The following SQSTM1 variants were observed in gnomAD, a reference collection of about 807,000 sequenced individuals.
SQSTM1 encodes sequestosome-1.
Under a neutral mutation model 45.1 loss-of-function variants are expected in SQSTM1, and 36 were observed. That is an observed-to-expected ratio of 0.80 (90% CI 0.61 to 1.05). The LOEUF (loss-of-function observed/expected upper bound fraction) is 1.05, where lower values mean the gene tolerates loss of function less well. Ranked by LOEUF, SQSTM1 falls within the 50% of genes least tolerant of loss-of-function variation. The probability of loss-of-function intolerance (pLI) is 0.00; values close to 1 mark genes in which losing one functional copy is unlikely to be tolerated. For missense variants in SQSTM1, 617 were observed against 607.1 expected, an observed-to-expected ratio of 1.02 and a Z score of -0.17; for synonymous variants, 290 against 244.3, an observed-to-expected ratio of 1.19 and a Z score of -1.74.
At chr5:179,823,138 C>T in intron 2 of SQSTM1, 85 bp downstream of exon 2, 1 of 1,292,546 alleles carries the variant, frequency 7.7e-7, no homozygotes, top group Non-Finnish European at 1.1e-6. Context: ...CTCGATGTTC[C>T]ACCAATGAAG....
intron 5 of SQSTM1, among the ~76,000 whole-genome samples, chr5:179,831,436 C>G (rs1343191321): frequency 6.6e-6 from 1 of 152,136 alleles, no homozygotes; most frequent in African/African-American, 2.4e-5. Flanking sequence ...CCAAGGCAGG[C>G]AGATCACCTG....
chr5:179,836,267 G>C, intron 7 of SQSTM1, 169 bp from the exon 8 acceptor site: 1 of 843,054 alleles, frequency 1.2e-6, no homozygotes, highest in Non-Finnish European at 2.0e-6. Context: ...AGACTGCTTG[G>C]CCCTTTACAG....
chr5:179,824,441 T>G, intron 4 of SQSTM1, 118 bp downstream of exon 4: 1 of 1,448,744 alleles, frequency 6.9e-7, no homozygotes. Context: ...CCCACCTTCC[T>G]GGTGCCCTAC....
upstream of SQSTM1, among the ~76,000 whole-genome samples, chr5:179,814,341 G>C (rs959641982): frequency 4.6e-5 from 7 of 152,198 alleles, no homozygotes; most frequent in Admixed American, 2.0e-4. Context: ...TTTGGAGAAT[G>C]TACATCACTG....
chr5:179,826,247 C>T (rs1485892065), intron 5 of SQSTM1, among the ~76,000 whole-genome samples: 1 of 152,016 alleles, frequency 6.6e-6, no homozygotes, highest in East Asian at 1.9e-4. Context: ...TCACTGCAAC[C>T]TCCCCCTCCT....
At chr5:179,826,077 A>T (rs560095912) in intron 5 of SQSTM1, among the ~76,000 whole-genome samples, 1 of 151,976 alleles carries the variant, frequency 6.6e-6, no homozygotes, top group South Asian at 2.1e-4. Flanking sequence ...TGTCTGAAAG[A>T]ATGCTGCTAG....
chr5:179,817,599 C>G (rs1304569116), upstream of SQSTM1, among the ~76,000 whole-genome samples: 1 of 152,268 alleles, frequency 6.6e-6, no homozygotes, highest in South Asian at 2.1e-4. Flanking sequence ...CCATGTCTGT[C>G]CATGACTTGA....
At chr5:179,834,725 T>TG (rs1175990320) in intron 7 of SQSTM1, among the ~76,000 whole-genome samples, 4 of 152,188 alleles carry the variant, frequency 2.6e-5, no homozygotes, top group Non-Finnish European at 4.4e-5. Context: ...AGCACGGGGT[T>TG]GGGGGTAAGG....
At chr5:179,810,222 A>G (rs977261081) in intron 1 of SQSTM1, among the ~76,000 whole-genome samples, 1 of 151,958 alleles carries the variant, frequency 6.6e-6, no homozygotes, top group Non-Finnish European at 1.5e-5. Flanking sequence ...GCACCCATTA[A>G]CTCATCATTT....
Position 179,837,214 on chromosome 5 carries a change from T to C in SQSTM1, c.*621T>C, listed in dbSNP as rs11548628. On this transcript the variant is annotated 3_prime_UTR_variant, in exon 8 of 8. Coordinates refer to ENST00000389805, the MANE Select transcript of SQSTM1 (RefSeq NM_003900.5). ...TCTCTTTGTAGCCATCCTGTTAAATTTGTAAACAATCTAATTAAATGGCAT... is the reference window on the plus strand; with the variant it reads ...TCTCTTTGTAGCCATCCTGTTAAATCTGTAAACAATCTAATTAAATGGCAT... The C allele has an allele frequency of 6.3e-7, 1 of 1,580,226 alleles. No individual in the cohort carries two copies. Among genetic ancestry groups the C allele is most frequent in the Non-Finnish European group, 8.6e-7 (1 of 1,168,622 alleles).
upstream of SQSTM1, chr5:179,820,806 G>A (rs1757742558): frequency 7.9e-6 from 7 of 884,524 alleles, no homozygotes; most frequent in South Asian, 8.7e-5. Context: ...CCGCGACGAC[G>A]GTGGCGGGGG....
Position 179,825,231 on chromosome 5 carries a change from G to A in SQSTM1, c.754+5G>A. ...CAGCTGCCCTTAGCCCTCTGGGTGA[G>A]TGCACCTCCTTGCCCAGTGCTTCCC... On this transcript the variant is annotated splice_donor_5th_base_variant and intron_variant, in intron 5 of 7. Coordinates refer to ENST00000389805, the MANE Select transcript of SQSTM1 (RefSeq NM_003900.5). The A allele has an allele frequency of 1.9e-6, 3 of 1,613,008 alleles. No homozygotes were observed. Among genetic ancestry groups the A allele is most frequent in the Non-Finnish European group, 2.5e-6 (3 of 1,179,422 alleles).
chr5:179,826,199 C>T (rs1757981003), intron 5 of SQSTM1, among the ~76,000 whole-genome samples: 1 of 150,826 alleles, frequency 6.6e-6, no homozygotes, highest in Non-Finnish European at 1.5e-5. Context: ...GAGTCTTGCT[C>T]TGTCACGGAG....
chr5:179,825,148 T>G lies in SQSTM1; in HGVS notation c.676T>G (p.Ser226Ala). Residue 226 changes from serine (S) to alanine (A), a missense_variant and splice_region_variant, in exon 5 of 8, where the codon TCT becomes GCT. By Grantham distance (99) the Ser-to-Ala change is moderately conservative. Coordinates refer to ENST00000389805, the MANE Select transcript of SQSTM1 (RefSeq NM_003900.5). Reference sequence around the variant, plus strand: ...TCTTATCTTTGTAAAAATCAAAGCTTCTGGTCCATCGGAGGATCCGAGTGT... The same window carrying G: ...TCTTATCTTTGTAAAAATCAAAGCTGCTGGTCCATCGGAGGATCCGAGTGT... ...ARPGPTAESASGPSEDPSVNF... is the reference protein window; with the variant it reads ...ARPGPTAESAAGPSEDPSVNF... The G allele has an allele frequency of 6.2e-7, 1 of 1,614,010 alleles. No individual in the cohort carries two copies. Among genetic ancestry groups the G allele is most frequent in the Middle Eastern group, 1.7e-4 (1 of 6,060 alleles).
chr5:179,825,773 G>A (rs532624335), intron 5 of SQSTM1, among the ~76,000 whole-genome samples: 2 of 152,226 alleles, frequency 1.3e-5, no homozygotes, highest in South Asian at 2.1e-4. Flanking sequence ...TCTGTGGGGT[G>A]GGTGAAGGTG....
upstream of SQSTM1, among the ~76,000 whole-genome samples, chr5:179,817,851 A>G (rs1318662892): frequency 1.3e-5 from 2 of 151,994 alleles, no homozygotes; most frequent in Non-Finnish European, 2.9e-5. Flanking sequence ...TCTACTAAAA[A>G]TACAAAAATT....
intron 5 of SQSTM1, 99 bp downstream of exon 5, chr5:179,825,325 T>G: frequency 9.5e-7 from 1 of 1,055,862 alleles, no homozygotes; most frequent in Non-Finnish European, 1.5e-6. Flanking sequence ...TGACATGCCC[T>G]TGACACTGGT....
Position 179,838,050 on chromosome 5 carries a change from C to T in SQSTM1, c.*1457C>T, listed in dbSNP as rs1758691969. On this transcript the variant is annotated 3_prime_UTR_variant, in exon 8 of 8. Transcript: ENST00000389805. ...GATTTTGAGGGTTAGCAAGACAAAGCAAATAAATGCCTTCCACCTCACCGC... is the reference window on the plus strand; with the variant it reads ...GATTTTGAGGGTTAGCAAGACAAAGTAAATAAATGCCTTCCACCTCACCGC... 4.7e-6 allele frequency: 3 copies of T among 638,568 alleles called. No homozygotes were observed. The highest frequency in any genetic ancestry group is 2.7e-5 in the East Asian group (1 of 36,472). The allele number at this position is 638,568 out of a possible 1,614,324, so 39.6% of individuals were successfully genotyped here.
Position 179,836,963 on chromosome 5 carries a change from G to C in SQSTM1, c.*370G>C, listed in dbSNP as rs1218408985. ...ATGACTCATAGGTCCCTGACATTTA[G>C]TTGATTATTTTCTGCTACAGACCTG... On this transcript the variant is annotated 3_prime_UTR_variant, in exon 8 of 8. Transcript: ENST00000389805. 2 of 606,690 alleles carry C rather than the reference G, an allele frequency of 3.3e-6. No homozygotes were observed. The highest frequency in any genetic ancestry group is 5.8e-6 in the Non-Finnish European group (2 of 343,406). The allele number at this position is 606,690 out of a possible 1,614,324, so 37.6% of individuals were successfully genotyped here.
Sources: allele counts gnomAD v4.1 joint callset (sites outside exome capture counted in the v4.1 genomes callset), GRCh38; gene constraint gnomAD v4.1.1; transcripts MANE v1.5; gene names NCBI Gene and HGNC (gene_info 2026-07-23, HGNC 2026-07-21).